The following BLVRA variants were observed in gnomAD, a reference collection of about 807,000 sequenced individuals.
BLVRA encodes the protein BVR A.
In BLVRA, 22 loss-of-function variants were observed where a neutral mutation model predicts 32.8. The observed-to-expected ratio is 0.67, with a 90% confidence interval of 0.48 to 0.96. BLVRA has a LOEUF of 0.96. Ranked by LOEUF, BLVRA falls within the 40% of genes least tolerant of loss-of-function variation. BLVRA has a pLI of 0.00. For missense variants in BLVRA, 323 were observed against 358.1 expected (o/e 0.90, Z 0.79); for synonymous variants, 119 against 141.3 (o/e 0.84, Z 1.12).
At chr7:43,799,527 C>T (rs2095796422) in intron 5 of BLVRA, among the ~76,000 whole-genome samples, 1 of 151,992 alleles carries the variant, frequency 6.6e-6, no homozygotes, top group African/African-American at 2.4e-5. Flanking sequence ...GGCTGCAGTG[C>T]ACTGGTACGA....
chr7:43,768,867 C>G (rs2095751220), intron 1 of BLVRA, among the ~76,000 whole-genome samples: 1 of 151,932 alleles, frequency 6.6e-6, no homozygotes, highest in Non-Finnish European at 1.5e-5. Flanking sequence ...ACTTAGAGTG[C>G]TGGCGCTCCC....
intron 1 of BLVRA, among the ~76,000 whole-genome samples, chr7:43,762,557 T>C (rs922010235): frequency 5.3e-5 from 8 of 151,128 alleles, no homozygotes; most frequent in Non-Finnish European, 1.2e-4. Context: ...TGTGAAACTC[T>C]AGAGCTTTGT....
intron 1 of BLVRA, among the ~76,000 whole-genome samples, chr7:43,763,194 G>T (rs778233835): frequency 6.6e-6 from 1 of 152,144 alleles, no homozygotes; most frequent in Non-Finnish European, 1.5e-5. Flanking sequence ...GGTTTGAAGG[G>T]GTAGGGAGGG....
intron 2 of BLVRA, among the ~76,000 whole-genome samples, chr7:43,777,735 T>C (rs944131138): frequency 2.6e-5 from 4 of 152,148 alleles, no homozygotes; most frequent in African/African-American, 9.7e-5. Flanking sequence ...TCCTGCAGAG[T>C]GTTTTCTAAC....
intron 2 of BLVRA, among the ~76,000 whole-genome samples, chr7:43,782,272 A>G (rs1280516065): frequency 2.0e-5 from 3 of 152,196 alleles, no homozygotes; most frequent in African/African-American, 7.2e-5. Flanking sequence ...CATATGACAG[A>G]AATTTTCAAG....
intron 1 of BLVRA, among the ~76,000 whole-genome samples, chr7:43,759,635 A>G (rs2095740104): frequency 6.6e-6 from 1 of 152,212 alleles, no homozygotes; most frequent in Admixed American, 6.5e-5. Context: ...TCAGCATGGG[A>G]AGGATTCAGT....
At chr7:43,788,890 CGG>C (rs1318674669) in intron 3 of BLVRA, among the ~76,000 whole-genome samples, 3 of 151,640 alleles carry the variant, frequency 2.0e-5, no homozygotes, top group African/African-American at 7.3e-5. Context: ...CCTCCTGCCT[CGG>C]CCTCCCAAAG....
intron 5 of BLVRA, 53 bp from the exon 6 acceptor site, chr7:43,800,412 A>G: frequency 6.6e-7 from 1 of 1,519,056 alleles, no homozygotes; most frequent in South Asian, 1.1e-5. Context: ...TCTGGGATGC[A>G]CACCTAGACA....
intron 2 of BLVRA, among the ~76,000 whole-genome samples, chr7:43,780,228 C>A (rs2095767336): frequency 6.6e-6 from 1 of 152,170 alleles, no homozygotes; most frequent in African/African-American, 2.4e-5. Context: ...CCAGGCTGTA[C>A]TTTCTGCTTT....
chr7:43,761,697 G>T (rs1015292158), intron 1 of BLVRA, among the ~76,000 whole-genome samples: 1 of 152,196 alleles, frequency 6.6e-6, no homozygotes, highest in Non-Finnish European at 1.5e-5. Flanking sequence ...TTATTGCCCT[G>T]TGAAAGTCTG....
intron 7 of BLVRA, among the ~76,000 whole-genome samples, chr7:43,805,561 G>A (rs2095803237): frequency 2.0e-5 from 3 of 152,086 alleles, no homozygotes; most frequent in Admixed American, 1.3e-4. Context: ...GAGATTACAC[G>A]CATGAGCCAC....
In BLVRA at chr7:43,807,214, A is replaced by G. The variant is rs1563555017; in HGVS notation, c.870A>G (p.Lys290=). The part of the protein sequence containing the change: ...HCLGLAEEIQ[K]YCCSRK The stretch of plus-strand genomic sequence containing the variant: ...TGGGGCTTGCAGAAGAAATCCAGAA[A>G]TATTGCTGTTCAAGGAAGTAAGAGG... Residue 290 remains lysine (K), a synonymous_variant, in exon 8 of 8, where the codon AAA becomes AAG. Transcript: ENST00000265523. 1.9e-6 allele frequency: 3 copies of G among 1,607,916 alleles called. No individual in the cohort carries two copies. Among genetic ancestry groups the G allele is most frequent in the Non-Finnish European group, 2.5e-6 (3 of 1,179,992 alleles).
chr7:43,793,168 T>G (rs1395157464), intron 5 of BLVRA, among the ~76,000 whole-genome samples: 2 of 152,218 alleles, frequency 1.3e-5, no homozygotes, highest in Non-Finnish European at 2.9e-5. Context: ...GAGAAACTGA[T>G]TGTCTTATTT....
At chr7:43,788,176 T>C in intron 3 of BLVRA, 151 bp downstream of exon 3, 1 of 1,427,658 alleles carries the variant, frequency 7.0e-7, no homozygotes, top group Non-Finnish European at 9.7e-7. Flanking sequence ...AGATCTCAGG[T>C]TGGGATGGGT....
chr7:43,774,509 G>T (rs2095758382), intron 2 of BLVRA, among the ~76,000 whole-genome samples: 1 of 152,064 alleles, frequency 6.6e-6, no homozygotes, highest in Admixed American at 6.6e-5. Flanking sequence ...TCTCTGTTTT[G>T]GTACCAGTAC....
At chr7:43,792,568 C>G (rs574932678) in intron 4 of BLVRA, 147 bp from the exon 5 acceptor site, 2 of 735,054 alleles carry the variant, frequency 2.7e-6, no homozygotes, top group Non-Finnish European at 4.8e-6. Context: ...CTCCATATCC[C>G]GTGGCACTGA....
chr7:43,780,068 C>T (rs1043454497), intron 2 of BLVRA, among the ~76,000 whole-genome samples: 2 of 151,930 alleles, frequency 1.3e-5, no homozygotes, highest in Non-Finnish European at 2.9e-5. Flanking sequence ...GATGGGGTTT[C>T]ACTATGTTGG....
chr7:43,782,695 C>A (rs985332012), intron 2 of BLVRA, among the ~76,000 whole-genome samples: 37 of 152,060 alleles, frequency 2.4e-4, no homozygotes, highest in African/African-American at 8.4e-4. Flanking sequence ...GAAGACTGAG[C>A]TTTGGGAAAT....
chr7:43,771,899 G>T (rs1303102870), intron 2 of BLVRA, among the ~76,000 whole-genome samples: 1 of 152,182 alleles, frequency 6.6e-6, no homozygotes, highest in Non-Finnish European at 1.5e-5. Flanking sequence ...CTCTCCCTAA[G>T]CTCTGTCCTC....
Sources: allele counts gnomAD v4.1 joint callset (sites outside exome capture counted in the v4.1 genomes callset), GRCh38; gene constraint gnomAD v4.1.1; transcripts MANE v1.5; gene names NCBI Gene and HGNC (gene_info 2026-07-23, HGNC 2026-07-21).